Variants in ESR2 observed in about 807,000 individuals in gnomAD.
ESR2 encodes the protein estrogen receptor 2.
In ESR2, 36 loss-of-function variants were observed where a neutral mutation model predicts 49.6. The observed-to-expected ratio is 0.73, with a 90% confidence interval of 0.56 to 0.96. ESR2 has a LOEUF of 0.96. Ranked by LOEUF, ESR2 falls within the 40% of genes least tolerant of loss-of-function variation. The pLI is 0.00. For synonymous variants in ESR2, 320 were observed against 266.1 expected (o/e 1.20, Z -1.97); for missense variants, 714 against 693.0 (o/e 1.03, Z -0.34).
rs1489666370 is a variant in ESR2 at position 64,232,306 on chromosome 14, C to A, written c.*831G>T. On this transcript the variant is annotated 3_prime_UTR_variant, in exon 9 of 9. Transcript: ENST00000341099. ...ACACTGTGGCTGTCACCCACACCCACAGGAGAGAACCCCATTCCTGCAAAC... is the reference window on the plus strand; with the variant it reads ...ACACTGTGGCTGTCACCCACACCCAAAGGAGAGAACCCCATTCCTGCAAAC... 1 of 152,366 alleles carries A rather than the reference C, an allele frequency of 6.6e-6. No individual in the cohort carries two copies. The highest frequency in any genetic ancestry group is 1.5e-5 in the Non-Finnish European group (1 of 68,064). The allele number at this position is 152,366 out of a possible 1,614,324, so 9.4% of individuals were successfully genotyped here.
At position 64,268,911 on chromosome 14, in the gene ESR2, C is replaced by T; in HGVS notation, c.536G>A (p.Gly179Glu). The change falls in exon 4 of 9, where the codon GGA becomes GAA. Residue 179 changes from glycine (G) to glutamate (E), a missense_variant and splice_region_variant. Gly to Glu is a moderately conservative substitution (Grantham distance 98). Coordinates refer to ENST00000341099, the MANE Select transcript of ESR2 (RefSeq NM_001437.3). ...AGCTGGACAAATATAATCATTATGT[C>T]CTATAGCAGAGTGGGAGGGAAAAAA... ...CKAFFKRSIQ[G>E]HNDYICPATN... 1 of 1,565,502 alleles carries T rather than the reference C, an allele frequency of 6.4e-7. No individual in the cohort carries two copies. The highest frequency in any genetic ancestry group is 8.8e-7 in the Non-Finnish European group (1 of 1,137,642).
At chr14:64,234,887 C>T (rs2098730944) in intron 8 of ESR2, 83 bp downstream of exon 8, 1 of 1,559,184 alleles carries the variant, frequency 6.4e-7, no homozygotes, top group Non-Finnish European at 8.7e-7. Context: ...AACTTGCAGA[C>T]ACTTTTCCCA....
Position 64,282,773 on chromosome 14 carries a change from C to A in ESR2, c.213G>T (p.Arg71=). ...ACAACACATTTGGGCTTGTGGTCTG[C>A]CGACCAGGCCCACCTTCCAAGTTAG... The part of the protein sequence containing the change: ...NVTNLEGGPG[R]QTTSPNVLWP... The change falls in exon 2 of 9, where the codon CGG becomes CGT. Residue 71 remains arginine (R), a synonymous_variant. Transcript: ENST00000341099. The A allele has an allele frequency of 2.5e-6, 4 of 1,614,244 alleles. No individual in the cohort carries two copies. Among genetic ancestry groups the A allele is most frequent in the Non-Finnish European group, 3.4e-6 (4 of 1,180,044 alleles).
chr14:64,333,550 T>A (rs1162036221), intron 1 of ESR2, among the ~76,000 whole-genome samples: 2 of 147,512 alleles, frequency 1.4e-5, no homozygotes, highest in Non-Finnish European at 2.9e-5. Context: ...AATTTATAAA[T>A]AAAAAGTTTA....
chr14:64,257,149 A>T, intron 6 of ESR2, 77 bp downstream of exon 6: 1 of 1,361,818 alleles, frequency 7.3e-7, no homozygotes, highest in Non-Finnish European at 1.0e-6. Flanking sequence ...TAATTGCAGC[A>T]CCCAGGACTT....
At chr14:64,295,620 A>G (rs559368613), upstream of ESR2, among the ~76,000 whole-genome samples, 38 of 152,106 alleles carry the variant, frequency 2.5e-4, 1 homozygote, top group Admixed American at 7.8e-4. Context: ...TCGCTGGCAA[A>G]TAACTGCAGC....
intron 7 of ESR2, among the ~76,000 whole-genome samples, chr14:64,235,439 C>T (rs2075575946): frequency 6.6e-6 from 1 of 152,234 alleles, no homozygotes; most frequent in African/African-American, 2.4e-5. Flanking sequence ...TATATCTAGT[C>T]TCCCGAAATC....
chr14:64,313,545 A>AG, intron 1 of ESR2, among the ~76,000 whole-genome samples: 1 of 148,190 alleles, frequency 6.7e-6, no homozygotes, highest in East Asian at 2.0e-4. Context: ...AAAAAAAAAA[A>AG]GAAAAGAAAA....
chr14:64,246,196 C>T (rs1162969522), intron 7 of ESR2, among the ~76,000 whole-genome samples: 1 of 152,134 alleles, frequency 6.6e-6, no homozygotes, highest in African/African-American at 2.4e-5. Context: ...GGCTTTGTGT[C>T]CCCACCCAAA....
chr14:64,300,046 C>A (rs931836089), intron 1 of ESR2, among the ~76,000 whole-genome samples: 10 of 152,192 alleles, frequency 6.6e-5, no homozygotes, highest in African/African-American at 2.4e-4. Context: ...TTCTACCACG[C>A]CACCAGCCAC....
At chr14:64,307,163 T>G (rs1413163428) in intron 1 of ESR2, among the ~76,000 whole-genome samples, 1 of 151,936 alleles carries the variant, frequency 6.6e-6, no homozygotes, top group Non-Finnish European at 1.5e-5. Flanking sequence ...TCACTTTTTT[T>G]CTGTTCAGTC....
intron 7 of ESR2, among the ~76,000 whole-genome samples, chr14:64,240,452 T>G (rs1256454328): frequency 2.6e-5 from 4 of 152,250 alleles, no homozygotes; most frequent in African/African-American, 9.6e-5. Context: ...GTTCCCCGCT[T>G]GGTGGTATTT....
At chr14:64,263,953 G>T (rs1321542982) in intron 4 of ESR2, among the ~76,000 whole-genome samples, 1 of 152,056 alleles carries the variant, frequency 6.6e-6, no homozygotes, top group African/African-American at 2.4e-5. Flanking sequence ...AAGAAAAATG[G>T]AAATCAACAA....
chr14:64,240,732 G>A (rs2075704045), intron 7 of ESR2, among the ~76,000 whole-genome samples: 1 of 152,094 alleles, frequency 6.6e-6, no homozygotes, highest in Non-Finnish European at 1.5e-5. Context: ...TTTCAGTACA[G>A]TAACTTTCAG....
rs1246767470 is a variant in ESR2, at chr14:64,229,814, G to T, written c.*3323C>A. On this transcript the variant is annotated 3_prime_UTR_variant, in exon 9 of 9. Coordinates refer to ENST00000341099, the MANE Select transcript of ESR2 (RefSeq NM_001437.3). ...TCTGAGGCACTGAGAACTGTGTCTG[G>T]CACAGATATTATCTTTAGATACTAA... Among the ~76,000 whole-genome samples, 1 of 152,088 alleles carries T rather than the reference G, an allele frequency of 6.6e-6. No individual in the cohort carries two copies. Among genetic ancestry groups the T allele is most frequent in the Non-Finnish European group, 1.5e-5 (1 of 68,020 alleles).
chr14:64,303,728 G>A (rs1056081155), intron 1 of ESR2: 3 of 152,164 alleles, frequency 2.0e-5, no homozygotes, highest in Non-Finnish European at 2.9e-5. Flanking sequence ...GAAATATATA[G>A]AGAGCTAATT....
chr14:64,312,232 T>C (rs187566480), intron 1 of ESR2, among the ~76,000 whole-genome samples: 25 of 152,226 alleles, frequency 1.6e-4, no homozygotes, highest in Admixed American at 1.4e-3. Context: ...CATCAAAAAC[T>C]ATAAATAATT....
At chr14:64,331,039 T>C (rs113948969) in intron 1 of ESR2, 11 of 151,880 alleles carry the variant, frequency 7.2e-5, no homozygotes, top group Non-Finnish European at 1.2e-4. Context: ...AATCCAACAA[T>C]ATCAGAATTT....
intron 7 of ESR2, among the ~76,000 whole-genome samples, chr14:64,246,934 T>C (rs998321339): frequency 6.6e-6 from 1 of 152,028 alleles, no homozygotes; most frequent in African/African-American, 2.4e-5. Context: ...GAGACTTAAC[T>C]AGGAAATGCT....
Sources: gnomAD v4.1 joint callset for allele counts (sites outside exome capture counted in the v4.1 genomes callset) on GRCh38, gnomAD v4.1.1 for gene constraint, MANE v1.5 for transcripts, NCBI Gene and HGNC (gene_info 2026-07-23, HGNC 2026-07-21) for gene names.